The following ZBTB20 variants were observed in gnomAD, a reference collection of about 807,000 sequenced individuals.
ZBTB20 encodes the protein zinc finger and BTB domain containing 20, also known as zinc finger and BTB domain-containing protein 20.
A neutral mutation model predicts 56.9 loss-of-function variants in ZBTB20; 9 were observed. That is an observed-to-expected ratio of 0.16 (90% CI 0.10 to 0.28). The LOEUF (loss-of-function observed/expected upper bound fraction) is 0.28. Among genes scored for constraint, ZBTB20 ranks in the 10% least tolerant of loss-of-function variants. ZBTB20 has a pLI of 1.00. For synonymous variants in ZBTB20, 417 were observed against 420.7 expected (o/e 0.99, Z 0.11); for missense variants, 655 against 1,003.0 (o/e 0.65, Z 4.69).
intron 7 of ZBTB20, among the ~76,000 whole-genome samples, chr3:114,400,233 T>G (rs1388037895): frequency 6.6e-6 from 1 of 152,124 alleles, no homozygotes; most frequent in African/African-American, 2.4e-5. Flanking sequence ...TTGTTCTCAC[T>G]TATAAAGTCA....
rs183598877 is a variant in ZBTB20 at position 114,762,904 on chromosome 3, A to T, written c.-343+38197T>A. Among the ~76,000 whole-genome samples the T allele has an allele frequency of 1.8e-4, 27 of 152,324 alleles. No homozygotes were observed. In the East Asian group the frequency reaches 3.9e-3, roughly 22 times the overall value. On this transcript the variant is annotated intron_variant, in intron 5 of 11. Coordinates refer to ENST00000675478, the MANE Select transcript of ZBTB20 (RefSeq NM_001348800.3). ...GTCTGAGTCTCTAGCCTTATATAGG[A>T]AAACCTTGTCTTCTAATTGAAAATG...
chr3:114,491,017 T>C (rs1414413607), intron 7 of ZBTB20, among the ~76,000 whole-genome samples: 1 of 152,216 alleles, frequency 6.6e-6, no homozygotes, highest in Non-Finnish European at 1.5e-5. Flanking sequence ...CCCTGGACTG[T>C]GAGCTATTTG....
At chr3:114,812,874 G>C (rs942302619) in intron 4 of ZBTB20, among the ~76,000 whole-genome samples, 3 of 152,236 alleles carry the variant, frequency 2.0e-5, no homozygotes, top group Admixed American at 1.3e-4. Context: ...GCGAGAAATT[G>C]AGCACAGCAG....
In ZBTB20 at chr3:114,693,519, G is replaced by A. The variant is rs1465013773; in HGVS notation, c.-295+9C>T. Reference sequence around the variant, plus strand: ...GGACTGCCATTTAGAGATAATGAGAGTTACTTACCAGACAGCAATGTCATG... The same window carrying A: ...GGACTGCCATTTAGAGATAATGAGAATTACTTACCAGACAGCAATGTCATG... On this transcript the variant is annotated intron_variant, in intron 6 of 11. Coordinates refer to ENST00000675478, the MANE Select transcript of ZBTB20 (RefSeq NM_001348800.3). The A allele has an allele frequency of 6.6e-6, 1 of 152,062 alleles. No individual in the cohort carries two copies. The highest frequency in any genetic ancestry group is 2.4e-5 in the African/African-American group (1 of 41,428). 9.4% of individuals were successfully genotyped at this position (152,062 alleles called of 1,614,324 possible).
rs16823096 is a variant in ZBTB20 at position 114,695,093 on chromosome 3, C to T, written c.-342-1518G>A. 9.4e-3 allele frequency among the ~76,000 whole-genome samples: 1,422 copies of T among 152,022 alleles called. 20 individuals carry two copies. The highest frequency in any genetic ancestry group is 0.03 in the African/African-American group (1,260 of 41,506). On this transcript the variant is annotated intron_variant, in intron 5 of 11. Transcript: ENST00000675478. ...GCCAGACACAACTGGATGGATTCTG[C>T]TTGAAAAGGTAAGTCAGTAACTGAG...
At chr3:114,352,498 C>A (rs192207664) in intron 10 of ZBTB20, among the ~76,000 whole-genome samples, 1 of 152,312 alleles carries the variant, frequency 6.6e-6, no homozygotes, top group African/African-American at 2.4e-5. Flanking sequence ...AAGATATCTA[C>A]CAAACAGTCA....
intron 5 of ZBTB20, among the ~76,000 whole-genome samples, chr3:114,748,372 CTCTCTCTT>C (rs1470044352): frequency 6.9e-6 from 1 of 145,590 alleles, no homozygotes; most frequent in African/African-American, 2.5e-5. Flanking sequence ...CTCTCTCTCT[CTCTCTCTT>C]TCTTTCTTTT....
rs945568012 is a variant in ZBTB20, at chr3:115,062,669, C to T, written c.-507+8550G>A. 9.9e-5 allele frequency among the ~76,000 whole-genome samples: 15 copies of T among 151,606 alleles called. No homozygotes were observed. The East Asian group carries it at 2.9e-3, about 29-fold the overall frequency. On this transcript the variant is annotated intron_variant, in intron 2 of 11. Transcript: ENST00000675478. ...CACTCATACTAGATTTTTGGCAAAG[C>T]ATGTTTTTGATTATTAAAAGACAAT...
At chr3:114,573,912 T>G (rs191091260) in intron 6 of ZBTB20, among the ~76,000 whole-genome samples, 13 of 152,272 alleles carry the variant, frequency 8.5e-5, no homozygotes, top group Admixed American at 3.3e-4. Flanking sequence ...AAAAAGGCAA[T>G]AGAAATATCA....
At chr3:114,758,107 G>T (rs1476137084) in intron 5 of ZBTB20, among the ~76,000 whole-genome samples, 1 of 152,002 alleles carries the variant, frequency 6.6e-6, no homozygotes, top group Non-Finnish European at 1.5e-5. Flanking sequence ...CATTTTCCAG[G>T]TTATCACAGA....
intron 1 of ZBTB20, among the ~76,000 whole-genome samples, chr3:115,091,717 C>CATATATAT (rs139201422): frequency 8.2e-5 from 12 of 145,776 alleles, no homozygotes; most frequent in African/African-American, 2.7e-4. Flanking sequence ...ATAATACATA[C>CATATATAT]ATATATATAT....
intron 1 of ZBTB20, among the ~76,000 whole-genome samples, chr3:115,117,411 CT>C (rs2084051280): frequency 6.6e-6 from 1 of 152,070 alleles, no homozygotes; most frequent in South Asian, 2.1e-4. Context: ...TAGAACTCAC[CT>C]TTTCCCAGAC....
At chr3:115,028,386 T>TA (rs1460433192) in intron 2 of ZBTB20, among the ~76,000 whole-genome samples, 1 of 150,760 alleles carries the variant, frequency 6.6e-6, no homozygotes, top group Non-Finnish European at 1.5e-5. Flanking sequence ...GAACTTACTA[T>TA]AAAAAACTCT....
chr3:114,883,617 AT>A (rs1266223375), intron 4 of ZBTB20, among the ~76,000 whole-genome samples: 1 of 152,168 alleles, frequency 6.6e-6, no homozygotes, highest in Non-Finnish European at 1.5e-5. Flanking sequence ...AAATAGTAAT[AT>A]CCATCTTGTT....
chr3:114,882,870 G>C (rs1413608973), intron 4 of ZBTB20, among the ~76,000 whole-genome samples: 2 of 152,044 alleles, frequency 1.3e-5, no homozygotes, highest in Non-Finnish European at 2.9e-5. Flanking sequence ...TTTTAACCCT[G>C]TGAGCACATT....
chr3:114,717,738 T>A (rs2064591159), intron 5 of ZBTB20, among the ~76,000 whole-genome samples: 1 of 152,136 alleles, frequency 6.6e-6, no homozygotes. Flanking sequence ...CTTTTCTTAA[T>A]CTATTCCAAT....
intron 6 of ZBTB20, among the ~76,000 whole-genome samples, chr3:114,515,126 A>T (rs1159727596): frequency 6.6e-6 from 1 of 152,078 alleles, no homozygotes; most frequent in Non-Finnish European, 1.5e-5. Context: ...TTTCTCTGAG[A>T]CCTGTCGCAT....
At chr3:115,083,691 T>C (rs1353216626) in intron 1 of ZBTB20, among the ~76,000 whole-genome samples, 1 of 152,022 alleles carries the variant, frequency 6.6e-6, no homozygotes, top group Non-Finnish European at 1.5e-5. Flanking sequence ...ATTTTCTACC[T>C]ATTGTCCAGC....
chr3:114,664,706 T>C (rs781516062), intron 6 of ZBTB20, among the ~76,000 whole-genome samples: 2 of 151,888 alleles, frequency 1.3e-5, no homozygotes, highest in Non-Finnish European at 2.9e-5. Flanking sequence ...ATATGCAGCA[T>C]AGGATGAAAG....
Sources: allele counts gnomAD v4.1 joint callset (sites outside exome capture counted in the v4.1 genomes callset), GRCh38; gene constraint gnomAD v4.1.1; transcripts MANE v1.5; gene names NCBI Gene and HGNC (gene_info 2026-07-23, HGNC 2026-07-21).